SOX5: variants seen among roughly 807,000 people sequenced by gnomAD.
SOX5 encodes the protein SRY-box transcription factor 5.
In SOX5, 9 loss-of-function variants were observed where a neutral mutation model predicts 92.0. The observed-to-expected ratio is 0.10, with a 90% confidence interval of 0.06 to 0.17. SOX5 has a LOEUF of 0.17. SOX5 is among the 10% of genes least tolerant of loss of function. The pLI, the probability that SOX5 is intolerant of heterozygous loss-of-function variation, is 1.00. For missense variants in SOX5, 642 were observed against 944.5 expected, an observed-to-expected ratio of 0.68 and a Z score of 4.20; for synonymous variants, 344 against 336.3, an observed-to-expected ratio of 1.02 and a Z score of -0.25.
chr12:23,565,428 A>G (rs370250784), intron 10 of SOX5, among the ~76,000 whole-genome samples: 2 of 152,286 alleles, frequency 1.3e-5, no homozygotes, highest in South Asian at 2.1e-4. Context: ...CTGGCATCAT[A>G]CATTTTTGTA....
At chr12:24,011,346 T>C (rs1029796102) in intron 4 of SOX5, among the ~76,000 whole-genome samples, 1 of 152,228 alleles carries the variant, frequency 6.6e-6, no homozygotes, top group African/African-American at 2.4e-5. Context: ...TTCATATCAA[T>C]GACTTGATAA....
chr12:23,555,293 G>A lies in SOX5; in HGVS notation c.1488+7965C>T, dbSNP rs148922715. On this transcript the variant is annotated intron_variant, in intron 11 of 14. Coordinates refer to ENST00000451604, the MANE Select transcript of SOX5 (RefSeq NM_006940.6). ...CCTCGAATCCCTAAACAAATAGACA[G>A]TTTCAATCATCAGAGAGGCCTGTGG... Among the ~76,000 whole-genome samples the A allele has an allele frequency of 1.6e-3, 238 of 152,152 alleles. 6 individuals carry two copies. The East Asian group carries it at 0.037, about 24-fold the overall frequency.
intron 1 of SOX5, among the ~76,000 whole-genome samples, chr12:24,491,858 C>G (rs1311818758): frequency 6.6e-6 from 1 of 152,058 alleles, no homozygotes; most frequent in Non-Finnish European, 1.5e-5. Flanking sequence ...ACACTCCAAG[C>G]AGAGTTGTTT....
At chr12:23,808,382 T>C (rs745548433) in intron 3 of SOX5, among the ~76,000 whole-genome samples, 36 of 152,154 alleles carry the variant, frequency 2.4e-4, no homozygotes, top group Non-Finnish European at 8.8e-5. Flanking sequence ...TAAGCTGATG[T>C]TTATAGAAAC....
chr12:23,698,163 A>G (rs935022546), intron 6 of SOX5, among the ~76,000 whole-genome samples: 3 of 151,976 alleles, frequency 2.0e-5, no homozygotes, highest in Non-Finnish European at 1.5e-5. Flanking sequence ...CTCTGTATAG[A>G]TGGTTTTTTT....
chr12:24,016,876 G>A (rs967175028), intron 4 of SOX5, among the ~76,000 whole-genome samples: 3 of 152,110 alleles, frequency 2.0e-5, no homozygotes, highest in Non-Finnish European at 4.4e-5. Flanking sequence ...TAGATTTTCC[G>A]TAGATTTGAT....
intron 4 of SOX5, among the ~76,000 whole-genome samples, chr12:24,001,781 A>C (rs909559281): frequency 1.6e-4 from 24 of 152,208 alleles, no homozygotes; most frequent in African/African-American, 5.8e-4. Context: ...TATCACAAAG[A>C]AAGCAATACA....
chr12:23,757,562 C>G (rs1000290606), intron 3 of SOX5, among the ~76,000 whole-genome samples: 4 of 151,882 alleles, frequency 2.6e-5, no homozygotes, highest in African/African-American at 9.7e-5. Context: ...CAAACAAACA[C>G]CACTGTCTCT....
chr12:24,292,692 G>C (rs1441979621), intron 2 of SOX5, among the ~76,000 whole-genome samples: 7 of 152,132 alleles, frequency 4.6e-5, no homozygotes. Context: ...GTTAAGAAAA[G>C]TTTCTTCCAT....
chr12:24,308,372 C>T (rs965142072), intron 2 of SOX5, among the ~76,000 whole-genome samples: 2 of 152,172 alleles, frequency 1.3e-5, no homozygotes, highest in African/African-American at 4.8e-5. Flanking sequence ...TCAAGTTGCC[C>T]GTTTGGCCCT....
At chr12:24,104,055 A>C (rs533047833) in intron 4 of SOX5, among the ~76,000 whole-genome samples, 1 of 152,206 alleles carries the variant, frequency 6.6e-6, no homozygotes, top group Non-Finnish European at 1.5e-5. Flanking sequence ...CAAGTTTTGA[A>C]TCTATTTATT....
intron 4 of SOX5, among the ~76,000 whole-genome samples, chr12:23,971,588 G>T (rs1459647232): frequency 1.3e-5 from 2 of 150,554 alleles, no homozygotes; most frequent in Non-Finnish European, 3.0e-5. Context: ...TTCACAGAAG[G>T]CAATAGCTTC....
At chr12:24,276,108 T>G (rs1220028308) in intron 3 of SOX5, among the ~76,000 whole-genome samples, 2 of 152,104 alleles carry the variant, frequency 1.3e-5, no homozygotes. Context: ...TTATTTATAT[T>G]GGTATTTTTG....
rs185420662 is a variant in SOX5 at position 23,652,860 on chromosome 12, A to C, written c.932-11963T>G. Among the ~76,000 whole-genome samples, 194 of 152,266 alleles carry C rather than the reference A, an allele frequency of 1.3e-3. 1 individual carries two copies. Among genetic ancestry groups the C allele is most frequent in the African/African-American group, 3.9e-3 (164 of 41,558 alleles). ...TCTAGTTTCCAGTAGCATTCAATACAGGCAATCTGTAGTATTCATTCCTTG... is the reference window on the plus strand; with the variant it reads ...TCTAGTTTCCAGTAGCATTCAATACCGGCAATCTGTAGTATTCATTCCTTG... On this transcript the variant is annotated intron_variant, in intron 7 of 14. Transcript: ENST00000451604.
Position 23,970,841 on chromosome 12 carries a change from A to ATATATATATATATAATT in SOX5, c.-1-74818_-1-74817insAATTATATATATATATA. The stretch of plus-strand genomic sequence containing the variant: ...ACATGGGACTTTATATATATATATA[A>ATATATATATATATAATT]TTTTTTTTTTTTTTTAAGAAATGGG... On this transcript the variant is annotated intron_variant, in intron 4 of 4. Coordinates refer to the SOX5 transcript ENST00000446891. Among the ~76,000 whole-genome samples, 2 of 21,884 alleles carry ATATATATATATATAATT rather than the reference A, an allele frequency of 9.1e-5. 1 individual carries two copies. Among genetic ancestry groups the ATATATATATATATAATT allele is most frequent in the African/African-American group, 2.5e-4 (2 of 8,042 alleles). The allele number at this position is 21,884 out of a possible 152,430, so 14.4% of individuals were successfully genotyped here. A position where few individuals can be genotyped will look rare whatever the true frequency, so the allele number is the denominator to read the frequency against.
intron 4 of SOX5, among the ~76,000 whole-genome samples, chr12:23,998,729 A>C (rs1951279942): frequency 7.6e-6 from 1 of 132,268 alleles, no homozygotes; most frequent in Non-Finnish European, 1.5e-5. Flanking sequence ...TGAACCTCGG[A>C]GGCGGAGGTT....
chr12:23,534,235 G>A lies in SOX5; in HGVS notation c.2276C>T (p.Ala759Val), dbSNP rs1591814299. Residue 759 changes from alanine to valine, a missense_variant, in exon 15 of 15, where the codon GCA (alanine) becomes GTA (valine). Physicochemically the swap from Ala to Val is moderately conservative, Grantham distance 64. Around this residue, in one of 8 missense-constraint regions of SOX5, gnomAD observed 130 missense variants for 140.6 expected, o/e 0.92. Transcript: ENST00000451604. Reference sequence around the variant, plus strand: ...TGACCCTTATCAGTTGGCTTGTCCTGCAATATGGTTTTCACTGTCACTCCC... The same window carrying A: ...TGACCCTTATCAGTTGGCTTGTCCTACAATATGGTTTTCACTGTCACTCCC... Reference protein sequence around the residue: ...DYGSDSENHIAGQAN With the variant: ...DYGSDSENHIVGQAN 2 of 1,613,926 alleles carry A rather than the reference G, an allele frequency of 1.2e-6. No individual in the cohort carries two copies. Among genetic ancestry groups the A allele is most frequent in the Non-Finnish European group, 1.7e-6 (2 of 1,179,852 alleles).
At chr12:23,588,531 T>A (rs1404993459) in intron 9 of SOX5, among the ~76,000 whole-genome samples, 1 of 152,138 alleles carries the variant, frequency 6.6e-6, no homozygotes. Context: ...CTGAATTCCA[T>A]AAAAGACTTT....
chr12:24,146,612 CAAAGA>C (rs1236095381), intron 4 of SOX5, among the ~76,000 whole-genome samples: 1 of 146,110 alleles, frequency 6.8e-6, no homozygotes, highest in Non-Finnish European at 1.5e-5. Flanking sequence ...GCAGAAGAAA[CAAAGA>C]AAAGTAAATT....
Sources: gnomAD v4.1 joint callset for allele counts (sites outside exome capture counted in the v4.1 genomes callset) on GRCh38, gnomAD v4.1.1 for gene constraint, gnomAD v4.1.1 regional missense constraint, MANE v1.5 for transcripts, NCBI Gene and HGNC (gene_info 2026-07-23, HGNC 2026-07-21) for gene names.